MOB4: variants seen among roughly 807,000 people sequenced by gnomAD.
MOB4 encodes MOB family member 4, phocein.
Under a neutral mutation model 32.2 loss-of-function variants are expected in MOB4, and 4 were observed. The ratio of observed to expected loss-of-function variants is 0.12; its 90% CI spans 0.06 to 0.28. MOB4 has a LOEUF of 0.28. Among genes scored for constraint, MOB4 ranks in the 10% least tolerant of loss-of-function variants. MOB4 has a pLI of 1.00. For synonymous variants in MOB4, 88 were observed against 88.1 expected (o/e 1.00, Z 0.01); for missense variants, 158 against 271.2 (o/e 0.58, Z 2.93).
intron 2 of MOB4, 54 bp from the exon 3 acceptor site, chr2:197,535,475 TA>T (rs2086781987): frequency 1.3e-6 from 2 of 1,509,652 alleles, no homozygotes; most frequent in Non-Finnish European, 1.8e-6. Context: ...GTACTTAACA[TA>T]AGATTTACCA....
intron 1 of MOB4, among the ~76,000 whole-genome samples, chr2:197,520,811 A>G (rs2086501730): frequency 6.6e-6 from 1 of 150,800 alleles, no homozygotes; most frequent in Non-Finnish European, 1.5e-5. Context: ...TAATGCCAGC[A>G]CTTTGGGAGG....
At chr2:197,531,440 C>T (rs2086702768) in intron 2 of MOB4, among the ~76,000 whole-genome samples, 1 of 152,198 alleles carries the variant, frequency 6.6e-6, no homozygotes, top group African/African-American at 2.4e-5. Flanking sequence ...TCATCTTCCC[C>T]AACTGAAATT....
At chr2:197,518,747 T>A (rs533842363) in intron 1 of MOB4, among the ~76,000 whole-genome samples, 29 of 151,636 alleles carry the variant, frequency 1.9e-4, no homozygotes, top group Admixed American at 1.4e-3. Context: ...TTTATTTTTA[T>A]TTTTATTTAT....
At chr2:197,538,905 T>A (rs1036666353) in intron 3 of MOB4, among the ~76,000 whole-genome samples, 4 of 152,202 alleles carry the variant, frequency 2.6e-5, no homozygotes, top group Non-Finnish European at 4.4e-5. Flanking sequence ...AGGACAGCAT[T>A]ATTAGGCATC....
At chr2:197,516,194 G>T (rs1283089495) in intron 1 of MOB4, 48 bp downstream of exon 1, 13 of 1,557,080 alleles carry the variant, frequency 8.3e-6, no homozygotes, top group Non-Finnish European at 1.1e-5. Flanking sequence ...GCCGAGCAGT[G>T]CTGCGCCCGG....
intron 2 of MOB4, among the ~76,000 whole-genome samples, chr2:197,530,623 G>GT (rs1183962617): frequency 6.6e-6 from 1 of 151,208 alleles, no homozygotes; most frequent in African/African-American, 2.4e-5. Context: ...CTTTAGTGGT[G>GT]TTTTTTTCTT....
At chr2:197,541,441 C>CT (rs1182837148) in intron 5 of MOB4, among the ~76,000 whole-genome samples, 1 of 152,156 alleles carries the variant, frequency 6.6e-6, no homozygotes, top group Non-Finnish European at 1.5e-5. Context: ...TATTGATAGA[C>CT]TTCTAAGGCT....
At chr2:197,531,834 C>T (rs564368713) in intron 2 of MOB4, among the ~76,000 whole-genome samples, 7 of 151,730 alleles carry the variant, frequency 4.6e-5, no homozygotes, top group African/African-American at 7.3e-5. Flanking sequence ...GGAGCCACCT[C>T]GTCCAGCCTT....
chr2:197,550,237 C>G (rs2087074549), intron 6 of MOB4, 38 bp from the exon 7 acceptor site: 1 of 1,558,486 alleles, frequency 6.4e-7, no homozygotes. Flanking sequence ...AAGATTCTAT[C>G]CAGTTCTAAG....
At chr2:197,525,347 C>CAA (rs766280342) in intron 2 of MOB4, among the ~76,000 whole-genome samples, 18 of 113,476 alleles carry the variant, frequency 1.6e-4, no homozygotes, top group African/African-American at 3.8e-4. Flanking sequence ...GACTCCATCT[C>CAA]AAAAAAAAAA....
At chr2:197,523,245 A>T (rs1490023274) in intron 1 of MOB4, among the ~76,000 whole-genome samples, 1 of 152,174 alleles carries the variant, frequency 6.6e-6, no homozygotes, top group Non-Finnish European at 1.5e-5. Flanking sequence ...ATTGGAAAAA[A>T]CGTAATTTAT....
chr2:197,548,888 C>A (rs180907571), intron 6 of MOB4, among the ~76,000 whole-genome samples: 127 of 152,136 alleles, frequency 8.3e-4, no homozygotes, highest in Non-Finnish European at 1.4e-3. Flanking sequence ...TCACTTGAAT[C>A]TCTATGTTAG....
Position 197,544,067 on chromosome 2 carries a change from G to A in MOB4, c.354+3630G>A, listed in dbSNP as rs2086947097. ...GTTTCTTTCTTTTTTTTTTTTAAGA[G>A]ACAAGAGTTTCGCTCTGTCGCCCAG... On this transcript the variant is annotated intron_variant, in intron 5 of 7. Transcript: ENST00000323303. 2.0e-5 allele frequency among the ~76,000 whole-genome samples: 3 copies of A among 148,036 alleles called. No homozygotes were observed. The Admixed American group carries it at 2.0e-4, about 10-fold the overall frequency.
At chr2:197,518,165 G>A (rs2086448666) in intron 1 of MOB4, among the ~76,000 whole-genome samples, 1 of 151,806 alleles carries the variant, frequency 6.6e-6, no homozygotes, top group Admixed American at 6.6e-5. Context: ...AAAAACTATA[G>A]GAGAGTAGGT....
chr2:197,520,206 A>G (rs1046947406), intron 1 of MOB4, among the ~76,000 whole-genome samples: 5 of 148,928 alleles, frequency 3.4e-5, no homozygotes, highest in Non-Finnish European at 5.9e-5. Context: ...TTTTTGAGAC[A>G]GAATCTCGCT....
chr2:197,542,735 C>T (rs1041688541), intron 5 of MOB4, among the ~76,000 whole-genome samples: 1 of 152,092 alleles, frequency 6.6e-6, no homozygotes, highest in Non-Finnish European at 1.5e-5. Context: ...AATTTGTAAA[C>T]ACCATTACAT....
intron 5 of MOB4, among the ~76,000 whole-genome samples, chr2:197,547,115 A>G (rs1053417407): frequency 6.8e-6 from 1 of 147,648 alleles, no homozygotes; most frequent in African/African-American, 2.7e-5. Context: ...AGGAAGAGAA[A>G]ATATATTTGC....
rs1260646654 is a variant in MOB4, at chr2:197,516,683, C to T, written c.60+537C>T. 1.3e-5 allele frequency: 6 copies of T among 471,498 alleles called. No individual in the cohort carries two copies. In the East Asian group the frequency reaches 2.8e-4, roughly 22 times the overall value. The allele number at this position is 471,498 out of a possible 1,614,324, so 29.2% of individuals were successfully genotyped here. ...CTCCTCCTTGTTTCCCTTTGACCAC[C>T]TCTCCCTGCCGCTTTCCCTGGAGCT... On this transcript the variant is annotated intron_variant, in intron 1 of 7. Transcript: ENST00000323303.
intron 1 of MOB4, among the ~76,000 whole-genome samples, chr2:197,523,016 A>C (rs528780272): frequency 1.3e-5 from 2 of 151,830 alleles, no homozygotes; most frequent in South Asian, 4.1e-4. Context: ...CAAAATAATA[A>C]TAATAATATT....
Sources: allele counts gnomAD v4.1 joint callset (sites outside exome capture counted in the v4.1 genomes callset), GRCh38; gene constraint gnomAD v4.1.1; transcripts MANE v1.5; gene names NCBI Gene and HGNC (gene_info 2026-07-23, HGNC 2026-07-21).